ROBO2: variants seen among roughly 807,000 people sequenced by gnomAD.
ROBO2 encodes the protein roundabout homolog 2.
In ROBO2, 53 loss-of-function variants were observed where a neutral mutation model predicts 160.8. The ratio of observed to expected loss-of-function variants is 0.33; its 90% CI spans 0.26 to 0.41. ROBO2 has a LOEUF of 0.41. Ranked by LOEUF, ROBO2 falls within the 10% of genes least tolerant of loss-of-function variation. The probability of loss-of-function intolerance (pLI) is 1.00; values close to 1 mark genes in which losing one functional copy is unlikely to be tolerated. For missense variants in ROBO2, 1,577 were observed against 1,722.4 expected, an observed-to-expected ratio of 0.92 and a Z score of 1.49; for synonymous variants, 664 against 611.7, an observed-to-expected ratio of 1.09 and a Z score of -1.26.
chr3:76,651,172 G>A (rs2091239380), intron 2 of ROBO2, among the ~76,000 whole-genome samples: 1 of 152,132 alleles, frequency 6.6e-6, no homozygotes, highest in African/African-American at 2.4e-5. Flanking sequence ...AACCTCAGGG[G>A]TCTGTATCTG....
chr3:76,254,978 T>G (rs1706267939), intron 2 of ROBO2, among the ~76,000 whole-genome samples: 1 of 151,926 alleles, frequency 6.6e-6, no homozygotes, highest in South Asian at 2.1e-4. Context: ...AAAAGAGAAC[T>G]TGGTAATTGA....
chr3:76,684,102 A>G lies in ROBO2; in HGVS notation c.110-413912A>G, dbSNP rs1000229620. On this transcript the variant is annotated intron_variant, in intron 2 of 26. Coordinates refer to the ROBO2 transcript ENST00000487694. Reference sequence around the variant, plus strand: ...ATCATTAGAAAGAGAAGAGGTATGTATTGTTAGGAGAAGGAAAAATGAGTC... The same window carrying G: ...ATCATTAGAAAGAGAAGAGGTATGTGTTGTTAGGAGAAGGAAAAATGAGTC... 2.0e-5 allele frequency among the ~76,000 whole-genome samples: 3 copies of G among 152,192 alleles called. No individual in the cohort carries two copies. The South Asian group carries it at 6.2e-4, about 31-fold the overall frequency.
chr3:77,262,224 G>T (rs2058822878), intron 2 of ROBO2, among the ~76,000 whole-genome samples: 1 of 152,124 alleles, frequency 6.6e-6, no homozygotes, highest in Non-Finnish European at 1.5e-5. Context: ...AAAGCCATAG[G>T]TTATATGTGG....
chr3:76,793,392 G>T (rs2063491112), intron 2 of ROBO2, among the ~76,000 whole-genome samples: 1 of 151,766 alleles, frequency 6.6e-6, no homozygotes, highest in Non-Finnish European at 1.5e-5. Context: ...GTTAGCTTTG[G>T]TCACATGGTC....
chr3:76,434,874 C>G, intron 2 of ROBO2: 1 of 1,587,958 alleles, frequency 6.3e-7, no homozygotes, highest in Non-Finnish European at 8.6e-7. Context: ...TCAGAGTGGT[C>G]CAGTATGCAG....
At chr3:76,254,669 C>A (rs1285410248) in intron 2 of ROBO2, among the ~76,000 whole-genome samples, 1 of 151,660 alleles carries the variant, frequency 6.6e-6, no homozygotes, top group South Asian at 2.1e-4. Flanking sequence ...TTTAGTGATA[C>A]CTTTACTGTG....
At chr3:76,640,583 G>A (rs1386626494) in intron 2 of ROBO2, among the ~76,000 whole-genome samples, 6 of 38,280 alleles carry the variant, frequency 1.6e-4, no homozygotes, top group South Asian at 1.8e-3. Flanking sequence ...ATATCAATGC[G>A]TGTTTGCGTG....
At chr3:77,539,427 C>T (rs1459574766) in intron 6 of ROBO2, among the ~76,000 whole-genome samples, 1 of 151,940 alleles carries the variant, frequency 6.6e-6, no homozygotes, top group Non-Finnish European at 1.5e-5. Context: ...ATATCAGAAT[C>T]GATTAGTTTT....
At chr3:76,239,071 T>G (rs1705133609) in intron 2 of ROBO2, among the ~76,000 whole-genome samples, 1 of 152,194 alleles carries the variant, frequency 6.6e-6, no homozygotes, top group Non-Finnish European at 1.5e-5. Flanking sequence ...ATATTTACAT[T>G]AATCTATGTT....
chr3:76,801,702 A>C (rs535032240), intron 2 of ROBO2, among the ~76,000 whole-genome samples: 2 of 152,234 alleles, frequency 1.3e-5, no homozygotes, highest in Admixed American at 1.3e-4. Flanking sequence ...CTGGAGTAGC[A>C]CTTTTAATTT....
At chr3:76,998,171 T>C (rs145802471) in intron 2 of ROBO2, among the ~76,000 whole-genome samples, 19 of 152,292 alleles carry the variant, frequency 1.2e-4, no homozygotes, top group African/African-American at 4.6e-4. Flanking sequence ...ATAGTTATTA[T>C]ACTGGCCTAC....
intron 2 of ROBO2, among the ~76,000 whole-genome samples, chr3:76,465,045 A>C (rs1353867736): frequency 6.6e-6 from 1 of 152,250 alleles, no homozygotes; most frequent in African/African-American, 2.4e-5. Context: ...TTGGTAAACA[A>C]GTACATGAAT....
At chr3:75,919,331 G>A (rs1434814799) in intron 1 of ROBO2, among the ~76,000 whole-genome samples, 1 of 152,102 alleles carries the variant, frequency 6.6e-6, no homozygotes, top group Non-Finnish European at 1.5e-5. Context: ...TTATGTGATG[G>A]ATTACATTTA....
At chr3:76,213,951 A>G (rs1460025559) in intron 2 of ROBO2, among the ~76,000 whole-genome samples, 1 of 152,186 alleles carries the variant, frequency 6.6e-6, no homozygotes, top group Non-Finnish European at 1.5e-5. Context: ...ATAGATATAC[A>G]TAAGAGGAGA....
chr3:77,326,893 A>G (rs1433030323), intron 2 of ROBO2, among the ~76,000 whole-genome samples: 1 of 152,178 alleles, frequency 6.6e-6, no homozygotes, highest in Non-Finnish European at 1.5e-5. Flanking sequence ...GTTCTATTTG[A>G]ATTCCTCTTA....
At chr3:76,656,096 G>T (rs1480339224) in intron 2 of ROBO2, among the ~76,000 whole-genome samples, 1 of 152,050 alleles carries the variant, frequency 6.6e-6, no homozygotes, top group African/African-American at 2.4e-5. Context: ...ACAGCCAAGA[G>T]CAAACAGTAA....
At chr3:76,351,199 T>C (rs1226539353) in intron 2 of ROBO2, among the ~76,000 whole-genome samples, 1 of 151,936 alleles carries the variant, frequency 6.6e-6, no homozygotes, top group East Asian at 1.9e-4. Flanking sequence ...CAACATCACA[T>C]GTGGCTGAAT....
intron 2 of ROBO2, among the ~76,000 whole-genome samples, chr3:76,835,535 C>A (rs1179692610): frequency 2.0e-5 from 3 of 150,874 alleles, no homozygotes; most frequent in Non-Finnish European, 3.0e-5. Context: ...CAGTCACAAA[C>A]AATTTTTCAT....
At chr3:76,987,820 C>T (rs2060467312) in intron 2 of ROBO2, among the ~76,000 whole-genome samples, 1 of 151,980 alleles carries the variant, frequency 6.6e-6, no homozygotes, top group African/African-American at 2.4e-5. Flanking sequence ...TAATTAACTT[C>T]ATTTTGTTTA....
Sources: gnomAD v4.1 joint callset for allele counts (sites outside exome capture counted in the v4.1 genomes callset) on GRCh38, gnomAD v4.1.1 for gene constraint, MANE v1.5 for transcripts, NCBI Gene and HGNC (gene_info 2026-07-23, HGNC 2026-07-21) for gene names.